Variants in ZZEF1 observed in about 807,000 individuals in gnomAD.
The protein encoded by ZZEF1 is zinc finger ZZ-type and EF-hand domain-containing protein 1.
A neutral mutation model predicts 342.8 loss-of-function variants in ZZEF1; 157 were observed. That is an observed-to-expected ratio of 0.46 (90% CI 0.40 to 0.52). ZZEF1 has a LOEUF of 0.52. Among genes scored for constraint, ZZEF1 ranks in the 20% least tolerant of loss-of-function variants. The probability of loss-of-function intolerance (pLI) is 0.00; values close to 1 mark genes in which losing one functional copy is unlikely to be tolerated. For synonymous variants in ZZEF1, 1,505 were observed against 1,429.1 expected, an observed-to-expected ratio of 1.05 and a Z score of -1.20; for missense variants, 3,480 against 3,725.6, an observed-to-expected ratio of 0.93 and a Z score of 1.72.
intron 1 of ZZEF1, among the ~76,000 whole-genome samples, chr17:4,140,190 A>T (rs1213588941): frequency 1.3e-5 from 2 of 152,166 alleles, no homozygotes; most frequent in African/African-American, 4.8e-5. Flanking sequence ...TTTATGTTTA[A>T]ACCACTGATG....
intron 18 of ZZEF1, among the ~76,000 whole-genome samples, chr17:4,078,613 G>A (rs1040447202): frequency 6.6e-6 from 1 of 152,228 alleles, no homozygotes; most frequent in African/African-American, 2.4e-5. Context: ...CGCCTGGCAA[G>A]GCAGGAAGAG....
At chr17:4,108,908 C>G (rs1362594873) in intron 6 of ZZEF1, among the ~76,000 whole-genome samples, 1 of 152,122 alleles carries the variant, frequency 6.6e-6, no homozygotes. Flanking sequence ...GTCTAGAGAA[C>G]AAAATATTAG....
intron 7 of ZZEF1, 33 bp from the exon 8 acceptor site, chr17:4,104,844 TA>T (rs2058184495): frequency 3.1e-6 from 5 of 1,595,254 alleles, no homozygotes; most frequent in African/African-American, 1.4e-5. Context: ...TTTCACTTCT[TA>T]AAAACATGAA....
intron 8 of ZZEF1, among the ~76,000 whole-genome samples, chr17:4,103,075 T>C (rs2058153143): frequency 6.6e-6 from 1 of 152,108 alleles, no homozygotes; most frequent in Non-Finnish European, 1.5e-5. Flanking sequence ...TAAATTCTAT[T>C]CAGCTTCCAG....
intron 16 of ZZEF1, among the ~76,000 whole-genome samples, chr17:4,083,757 C>A (rs952853245): frequency 3.3e-5 from 5 of 151,974 alleles, no homozygotes; most frequent in Admixed American, 2.0e-4. Flanking sequence ...CCTGCTTCGA[C>A]CTCCCGAGTA....
At chr17:4,138,500 G>C (rs1172212029) in intron 1 of ZZEF1, among the ~76,000 whole-genome samples, 10 of 152,164 alleles carry the variant, frequency 6.6e-5, no homozygotes, top group East Asian at 1.9e-4. Flanking sequence ...TATGAGGTTT[G>C]AGTGTGTGTG....
chr17:4,059,371 A>G (rs2057237180), intron 30 of ZZEF1, 81 bp from the exon 31 acceptor site: 1 of 1,535,584 alleles, frequency 6.5e-7, no homozygotes, highest in Non-Finnish European at 8.7e-7. Flanking sequence ...CTTACATGAA[A>G]AAGAGCAAGT....
rs1173745186 is a variant in ZZEF1 at position 4,004,498 on chromosome 17, C to G, written c.*2392G>C. The stretch of plus-strand genomic sequence containing the variant: ...TATTTCTTTTCGTTTGCATATTTTA[C>G]CCACAGCTTAACATCCTTTTTACAG... On this transcript the variant is annotated 3_prime_UTR_variant, in exon 55 of 55. Coordinates refer to ENST00000381638, the MANE Select transcript of ZZEF1 (RefSeq NM_015113.4). 6.6e-6 allele frequency: 1 copy of G among 152,460 alleles called. No homozygotes were observed. Among genetic ancestry groups the G allele is most frequent in the Admixed American group, 6.5e-5 (1 of 15,278 alleles). 9.4% of individuals were successfully genotyped at this position (152,460 alleles called of 1,614,324 possible).
At chr17:4,128,419 G>C (rs1388204459) in intron 1 of ZZEF1, among the ~76,000 whole-genome samples, 2 of 148,616 alleles carry the variant, frequency 1.3e-5, no homozygotes, top group African/African-American at 4.9e-5. Flanking sequence ...AACTTCAAAA[G>C]GATGATTAAT....
rs545397196 is a variant in ZZEF1, at chr17:4,059,542, C to T, written c.4884-252G>A. On this transcript the variant is annotated intron_variant, in intron 30 of 54. Transcript: ENST00000381638. The stretch of plus-strand genomic sequence containing the variant: ...TATTTATCTTCTTTGTGAATATAAA[C>T]CCATCCCTCCCACCACTACTTGGGT... Among the ~76,000 whole-genome samples, 5 of 152,176 alleles carry T rather than the reference C, an allele frequency of 3.3e-5. No homozygotes were observed. The South Asian group carries it at 1.0e-3, about 32-fold the overall frequency.
At position 4,054,081 on chromosome 17, in the gene ZZEF1, C is replaced by T; in HGVS notation, c.5410G>A (p.Asp1804Asn). The change falls in exon 34 of 55, where the codon GAT (aspartate) becomes AAT (asparagine). Residue 1804 changes from aspartate to asparagine, a missense_variant. Physicochemically the swap from Asp to Asn is conservative, Grantham distance 23 (BLOSUM62 1). This residue lies in a region of ZZEF1 where 175 missense variants were observed against 254.6 expected (regional missense o/e 0.69). Coordinates refer to ENST00000381638, the MANE Select transcript of ZZEF1 (RefSeq NM_015113.4). ...RYRCLQCSDM[D>N]LCKTCFLGGV... ...CCTAGGAAGCAAGTTTTGCAGAGAT[C>T]CATGTCGCTGCACTGCAGACAGCGG... The T allele has an allele frequency of 1.2e-6, 2 of 1,613,174 alleles. No homozygotes were observed. The highest frequency in any genetic ancestry group is 1.7e-6 in the Non-Finnish European group (2 of 1,179,570).
At chr17:4,086,282 AGCG>A (rs1199267077) in intron 15 of ZZEF1, among the ~76,000 whole-genome samples, 11 of 56,376 alleles carry the variant, frequency 2.0e-4, no homozygotes, top group African/African-American at 5.4e-4. Context: ...CGTTTCCCAC[AGCG>A]GCAATCCCTT....
At chr17:4,135,814 T>C (rs1468520012) in intron 1 of ZZEF1, among the ~76,000 whole-genome samples, 2 of 151,874 alleles carry the variant, frequency 1.3e-5, no homozygotes, top group African/African-American at 4.9e-5. Flanking sequence ...ATCCTGATTG[T>C]CACCTTTGGG....
rs146431554 is a variant in ZZEF1, at chr17:4,021,215, G to A, written c.7318C>T (p.Arg2440Trp). 4.1e-4 allele frequency: 661 copies of A among 1,614,108 alleles called. No homozygotes were observed. Among genetic ancestry groups the A allele is most frequent in the Non-Finnish European group, 5.3e-4 (624 of 1,180,004 alleles). The change falls in exon 45 of 55, where the codon CGG becomes TGG. Residue 2440 changes from arginine to tryptophan, a missense_variant. By Grantham distance (101) the Arg-to-Trp change is moderately radical. Transcript: ENST00000381638. ...ERGDREEEVERPVSSPGDPEQ... is the reference protein window; with the variant it reads ...ERGDREEEVEWPVSSPGDPEQ... ...GGGTCGCCAGGGCTGCTGACTGGCCGTTCCACCTCTTCCTCTCGGTCCCCT... is the reference window on the plus strand; with the variant it reads ...GGGTCGCCAGGGCTGCTGACTGGCCATTCCACCTCTTCCTCTCGGTCCCCT...
rs138134000 is a variant in ZZEF1 at position 4,114,401 on chromosome 17, T to C, written c.764A>G (p.Tyr255Cys). The C allele has an allele frequency of 6.7e-3, 10,770 of 1,612,014 alleles. 55 individuals are homozygous for C. Among genetic ancestry groups the C allele is most frequent in the South Asian group, 7.9e-3 (716 of 90,460 alleles). ...TGCCGAGTTGGAGGATGTTTCTATA[T>C]AAGCATAGCACTTTGCTACTGACTT... is the stretch of plus-strand genomic sequence containing the variant. ...KLKSVAKCYA[Y>C]IETSSNSADI... Residue 255 changes from tyrosine (Y) to cysteine (C), a missense_variant, in exon 4 of 55, where the codon TAT (tyrosine) becomes TGT (cysteine). Around this residue, in one of 5 missense-constraint regions of ZZEF1, gnomAD observed 416 missense variants for 374.2 expected, o/e 1.11. Transcript: ENST00000381638.
intron 9 of ZZEF1, among the ~76,000 whole-genome samples, chr17:4,098,618 G>C (rs12949990): frequency 1.3e-5 from 2 of 151,968 alleles, no homozygotes; most frequent in African/African-American, 2.4e-5. Context: ...CAATAAATAA[G>C]CTTTTTTTTC....
At chr17:4,044,519 CTTTTT>C (rs2056869838) in intron 37 of ZZEF1, 145 bp from the exon 38 acceptor site, 2 of 733,786 alleles carry the variant, frequency 2.7e-6, no homozygotes, top group African/African-American at 3.6e-5. Context: ...TTTCTTTTTT[CTTTTT>C]TGTGTGTTTT....
intron 25 of ZZEF1, 35 bp from the exon 26 acceptor site, chr17:4,070,959 C>T: frequency 1.9e-6 from 3 of 1,589,732 alleles, no homozygotes; most frequent in Non-Finnish European, 2.6e-6. Context: ...ACATTTAACA[C>T]ATTCATTCAA....
Position 4,017,963 on chromosome 17 carries a change from C to T in ZZEF1, c.7514G>A (p.Gly2505Asp). 6.2e-7 allele frequency: 1 copy of T among 1,613,502 alleles called. No homozygotes were observed. Among genetic ancestry groups the T allele is most frequent in the African/African-American group, 1.3e-5 (1 of 75,054 alleles). The change falls in exon 47 of 55, where the codon GGT (glycine) becomes GAT (aspartate). Residue 2505 changes from glycine (G) to aspartate (D), a missense_variant. Physicochemically the swap from Gly to Asp is moderately conservative, Grantham distance 94. This residue lies in a region of ZZEF1 where 1,269 missense variants were observed against 1,342.4 expected (regional missense o/e 0.95). Transcript: ENST00000381638. This position sits in a 1 kb window ranked among gnomAD's most constrained non-coding sequence, Gnocchi z 5.1. The stretch of plus-strand genomic sequence containing the variant: ...CCTTTCATCTGTGGTGAGCTCATCA[C>T]CATCAAACCTGCAGAAGGGCAGCAC... Reference protein sequence around the residue: ...FFLEVQKRFDGDELTTDERIR... With the variant: ...FFLEVQKRFDDDELTTDERIR...
Sources: gnomAD v4.1 joint callset for allele counts (sites outside exome capture counted in the v4.1 genomes callset) on GRCh38, gnomAD v4.1.1 for gene constraint, gnomAD v4.1.1 regional missense constraint, Gnocchi (gnomAD v3.1) non-coding constraint, MANE v1.5 for transcripts, NCBI Gene and HGNC (gene_info 2026-07-23, HGNC 2026-07-21) for gene names.